Variants in UTS2 observed in about 807,000 individuals in gnomAD.
UTS2 encodes urotensin 2.
In UTS2, 10 loss-of-function variants were observed where a neutral mutation model predicts 12.6. That is an observed-to-expected ratio of 0.80 (90% CI 0.49 to 1.35). UTS2 has a LOEUF of 1.35. Among genes scored for constraint, UTS2 ranks in the 40% most tolerant of loss-of-function variants. The probability of loss-of-function intolerance (pLI) is 0.00; values close to 1 mark genes in which losing one functional copy is unlikely to be tolerated. For missense variants in UTS2, 142 were observed against 143.2 expected (o/e 0.99, Z 0.04); for synonymous variants, 52 against 50.0 (o/e 1.04, Z -0.17).
At chr1:7,906,460 A>AAAGAAAGAAAGAAAGAAAGG in the UTS2 span, among the ~76,000 whole-genome samples, 1 of 144,016 alleles carries the variant, frequency 6.9e-6, no homozygotes. Context: ...AGAAAGAAAG[A>AAAGAAAGAAAGAAAGAAAGG]AAGAAAGAAA....
At chr1:7,912,688 T>C in the UTS2 span, among the ~76,000 whole-genome samples, 1 of 152,066 alleles carries the variant, frequency 6.6e-6, no homozygotes, top group Non-Finnish European at 1.5e-5. Context: ...ACTCCCAACT[T>C]CCGGTGATCC....
chr1:7,873,056 T>C, the UTS2 span, among the ~76,000 whole-genome samples: 1 of 152,192 alleles, frequency 6.6e-6, no homozygotes, highest in East Asian at 1.9e-4. Flanking sequence ...AATGGAACAA[T>C]GAAGCTTAAA....
At chr1:7,859,504 G>A in the UTS2 span, among the ~76,000 whole-genome samples, 1 of 152,186 alleles carries the variant, frequency 6.6e-6, no homozygotes, top group Non-Finnish European at 1.5e-5. Context: ...AGGAAATGTG[G>A]AGAGGGCCTC....
the UTS2 span, among the ~76,000 whole-genome samples, chr1:7,858,688 A>G: frequency 2.6e-5 from 4 of 152,088 alleles, no homozygotes; most frequent in Non-Finnish European, 5.9e-5. Context: ...GCAAGTCCCT[A>G]TTCTCACGCT....
the UTS2 span, among the ~76,000 whole-genome samples, chr1:7,864,257 C>T: frequency 6.6e-6 from 1 of 152,164 alleles, no homozygotes; most frequent in Non-Finnish European, 1.5e-5. Context: ...AGGCATCTCT[C>T]CCTGGCTGGC....
chr1:7,849,673 G>T lies in UTS2; in HGVS notation c.225C>A (p.Thr75=). 1 of 1,609,672 alleles carries T rather than the reference G, an allele frequency of 6.2e-7. No homozygotes were observed. The highest frequency in any genetic ancestry group is 1.1e-5 in the South Asian group (1 of 90,222). The change falls in exon 3 of 4, where the codon ACC becomes ACA. Residue 75 remains threonine (T), a synonymous_variant. Transcript: ENST00000361696. ...GDILRKADSS[T]NIFNPRGNLR... ...AATTTCCTCTTGGGTTAAAAATGTT[G>T]GTACTTGAGTCTGAAAAACAGTTTT...
the UTS2 span, among the ~76,000 whole-genome samples, chr1:7,860,947 T>C: frequency 6.7e-6 from 1 of 149,582 alleles, no homozygotes; most frequent in Non-Finnish European, 1.5e-5. Flanking sequence ...GAGGCTGAGG[T>C]ATGAGAATTG....
the UTS2 span, among the ~76,000 whole-genome samples, chr1:7,878,662 G>T: frequency 6.6e-6 from 1 of 151,834 alleles, no homozygotes; most frequent in East Asian, 1.9e-4. Context: ...CCAGGAGTTT[G>T]TGTCCAGCCT....
the UTS2 span, among the ~76,000 whole-genome samples, chr1:7,869,946 A>C: frequency 6.6e-6 from 1 of 152,168 alleles, no homozygotes; most frequent in Non-Finnish European, 1.5e-5. Flanking sequence ...GCCAGGTGTG[A>C]AGTTAAATGG....
At chr1:7,866,933 C>A in the UTS2 span, among the ~76,000 whole-genome samples, 2 of 69,300 alleles carry the variant, frequency 2.9e-5, no homozygotes, top group African/African-American at 7.0e-5. The surrounding 1 kb of genome is among the most constrained non-coding windows in gnomAD (Gnocchi z 4.5). Flanking sequence ...ACAGTGGCGC[C>A]ACCTTGGCTC....
the UTS2 span, among the ~76,000 whole-genome samples, chr1:7,896,454 A>G: frequency 6.6e-6 from 1 of 152,154 alleles, no homozygotes; most frequent in African/African-American, 2.4e-5. Context: ...TTTGAATACA[A>G]TTTTAATATT....
upstream of UTS2, chr1:7,853,602 A>T: frequency 1.2e-6 from 1 of 843,274 alleles, no homozygotes; most frequent in Non-Finnish European, 1.8e-6. Flanking sequence ...AATTCTGTAC[A>T]TACACGTGGC....
the UTS2 span, among the ~76,000 whole-genome samples, chr1:7,864,326 C>T: frequency 7.9e-5 from 12 of 152,294 alleles, no homozygotes; most frequent in Non-Finnish European, 1.3e-4. Context: ...TTTGTCCTGC[C>T]GGACTAAAGA....
chr1:7,888,156 CTTAAGT>C, the UTS2 span, among the ~76,000 whole-genome samples: 8 of 152,226 alleles, frequency 5.3e-5, no homozygotes, highest in African/African-American at 7.2e-5. Context: ...TTGGGCCACA[CTTAAGT>C]TTATCTTTAA....
the UTS2 span, among the ~76,000 whole-genome samples, chr1:7,897,591 AT>A: frequency 2.0e-5 from 3 of 151,326 alleles, no homozygotes; most frequent in South Asian, 2.1e-4. Context: ...ATGTTTCATA[AT>A]TTTTTTTTGA....
At chr1:7,904,703 A>G in the UTS2 span, among the ~76,000 whole-genome samples, 1 of 152,106 alleles carries the variant, frequency 6.6e-6, no homozygotes, top group East Asian at 1.9e-4. Flanking sequence ...TCATGAGTTC[A>G]AGACCAGCCT....
upstream of UTS2, among the ~76,000 whole-genome samples, chr1:7,856,316 T>G (rs1052335611): frequency 1.3e-5 from 2 of 152,156 alleles, no homozygotes; most frequent in Non-Finnish European, 2.9e-5. Flanking sequence ...TAACATACGC[T>G]GTAGGAATTG....
the UTS2 span, among the ~76,000 whole-genome samples, chr1:7,862,005 C>A: frequency 1.3e-5 from 2 of 151,772 alleles, 1 homozygote; most frequent in South Asian, 4.2e-4. Flanking sequence ...CTCCGTGCCC[C>A]TGGTTCAAGC....
chr1:7,876,504 C>A, the UTS2 span, among the ~76,000 whole-genome samples: 1 of 152,086 alleles, frequency 6.6e-6, no homozygotes, highest in Non-Finnish European at 1.5e-5. Flanking sequence ...ACCATGAGAC[C>A]CACTCACCCA....
Sources: allele counts gnomAD v4.1 joint callset (sites outside exome capture counted in the v4.1 genomes callset), GRCh38; gene constraint gnomAD v4.1.1; non-coding constraint Gnocchi (gnomAD v3.1); transcripts MANE v1.5; gene names NCBI Gene and HGNC (gene_info 2026-07-23, HGNC 2026-07-21).